CACNA1B: variants seen among roughly 807,000 people sequenced by gnomAD.
The protein encoded by CACNA1B is voltage-dependent N-type calcium channel subunit alpha-1B.
Under a neutral mutation model 247.2 loss-of-function variants are expected in CACNA1B, and 70 were observed. That is an observed-to-expected ratio of 0.28 (90% CI 0.23 to 0.35). CACNA1B has a LOEUF of 0.35. Ranked by LOEUF, CACNA1B falls within the 10% of genes least tolerant of loss-of-function variation. The pLI is 1.00. For missense variants in CACNA1B, 2,367 were observed against 3,197.4 expected, an observed-to-expected ratio of 0.74 and a Z score of 6.26; for synonymous variants, 1,231 against 1,294.4, an observed-to-expected ratio of 0.95 and a Z score of 1.05.
chr9:138,113,505 G>A (rs1463076145), intron 40 of CACNA1B, among the ~76,000 whole-genome samples: 1 of 150,824 alleles, frequency 6.6e-6, no homozygotes, highest in South Asian at 2.1e-4. Context: ...GAGACGTGAG[G>A]GAGCGCAGGA....
intron 36 of CACNA1B, among the ~76,000 whole-genome samples, chr9:138,093,826 A>G (rs1474225596): frequency 6.6e-6 from 1 of 152,208 alleles, no homozygotes; most frequent in African/African-American, 2.4e-5. Context: ...ACTGGTGGGT[A>G]TGACTGTAAA....
intron 20 of CACNA1B, among the ~76,000 whole-genome samples, chr9:138,031,332 TC>T (rs1453896913): frequency 6.6e-6 from 1 of 152,224 alleles, no homozygotes; most frequent in East Asian, 1.9e-4. Flanking sequence ...TGCCTATTTC[TC>T]TGTTATTAAC....
chr9:137,992,610 AT>A lies in CACNA1B; in HGVS notation c.1974+5758del, dbSNP rs559215342. On this transcript the variant is annotated intron_variant, in intron 15 of 46. Transcript: ENST00000371372. ...TGGACTTAACAGGTATTTACAGAGC[AT>A]TCTACCCAACAACTGCAGAATATAC... 4.4e-3 allele frequency among the ~76,000 whole-genome samples: 672 copies of A among 152,328 alleles called. 5 individuals are homozygous for A. The highest frequency in any genetic ancestry group is 0.015 in the African/African-American group (630 of 41,584).
rs1264298789 is a variant in CACNA1B, at chr9:137,974,682, T to G, written c.1544-1225T>G. The stretch of plus-strand genomic sequence containing the variant: ...TGGCCCCCTCTTCCAGTGTCTGCTT[T>G]ATCAGAAGTTGTGTCTGCTGAAGGT... On this transcript the variant is annotated intron_variant, in intron 11 of 46. Transcript: ENST00000371372. The surrounding 1 kb of genome is among the most constrained non-coding windows in gnomAD (Gnocchi z 4.5). 6.6e-6 allele frequency among the ~76,000 whole-genome samples: 1 copy of G among 152,118 alleles called. No individual in the cohort carries two copies. The highest frequency in any genetic ancestry group is 1.5e-5 in the Non-Finnish European group (1 of 68,014).
At chr9:138,024,707 C>A (rs1399910911) in intron 19 of CACNA1B, among the ~76,000 whole-genome samples, 1 of 152,172 alleles carries the variant, frequency 6.6e-6, no homozygotes, top group African/African-American at 2.4e-5. Flanking sequence ...TGGCTCACTG[C>A]AGCCTCAACT....
At chr9:138,034,838 A>C (rs1959024705) in intron 20 of CACNA1B, among the ~76,000 whole-genome samples, 1 of 152,092 alleles carries the variant, frequency 6.6e-6, no homozygotes, top group African/African-American at 2.4e-5. Flanking sequence ...CTGTTATCTG[A>C]GGTCCACTGT....
intron 31 of CACNA1B, among the ~76,000 whole-genome samples, chr9:138,060,501 C>G (rs1959683809): frequency 6.6e-6 from 1 of 152,196 alleles, no homozygotes; most frequent in Non-Finnish European, 1.5e-5. Flanking sequence ...TCCCAAGGGA[C>G]TTCTGGCAGC....
At chr9:137,909,700 A>G (rs1200278089) in intron 3 of CACNA1B, among the ~76,000 whole-genome samples, 2 of 152,206 alleles carry the variant, frequency 1.3e-5, no homozygotes, top group African/African-American at 2.4e-5. Flanking sequence ...CCTGCTTTCA[A>G]TTCTTTTGGA....
At chr9:138,075,776 G>C in intron 34 of CACNA1B, 43 bp from the exon 35 acceptor site, 1 of 1,365,216 alleles carries the variant, frequency 7.3e-7, no homozygotes, top group Non-Finnish European at 1.0e-6. Context: ...CGCGGCTCCT[G>C]CAGACCCAGC....
chr9:138,000,337 A>G (rs1373456380), intron 15 of CACNA1B, among the ~76,000 whole-genome samples: 1 of 152,104 alleles, frequency 6.6e-6, no homozygotes, highest in Non-Finnish European at 1.5e-5. Context: ...TGACCTCGTG[A>G]TCAGCCCGCC....
intron 15 of CACNA1B, among the ~76,000 whole-genome samples, chr9:137,989,451 C>T (rs1314552833): frequency 6.6e-6 from 1 of 152,112 alleles, no homozygotes; most frequent in African/African-American, 2.4e-5. Flanking sequence ...AGTGCCCCTT[C>T]CGAGTGAGTC....
chr9:138,075,967 C>T, intron 35 of CACNA1B, 57 bp downstream of exon 35: 1 of 1,173,752 alleles, frequency 8.5e-7, no homozygotes, highest in Non-Finnish European at 1.3e-6. Context: ...GGCTGCTTTA[C>T]TCAGGATGAA....
At chr9:137,890,135 G>A (rs1372138015) in intron 3 of CACNA1B, 1 of 149,842 alleles carries the variant, frequency 6.7e-6, no homozygotes, top group Non-Finnish European at 1.5e-5. Flanking sequence ...CAAATCCAGA[G>A]ACTCCCTGGA....
rs898884100 is a variant in CACNA1B, at chr9:137,971,093, C to T, written c.1334-290C>T. On this transcript the variant is annotated intron_variant, in intron 10 of 46. Coordinates refer to ENST00000371372, the MANE Select transcript of CACNA1B (RefSeq NM_000718.4). This position sits in a 1 kb window ranked among gnomAD's most constrained non-coding sequence, Gnocchi z 4.4. ...CTCATGGAGAGTGGCCTGGGGGCAT[C>T]AGGGCTGTGCTCCTAGAAGGTGGCT... Among the ~76,000 whole-genome samples, 1 of 152,034 alleles carries T rather than the reference C, an allele frequency of 6.6e-6. No individual in the cohort carries two copies. The highest frequency in any genetic ancestry group is 1.5e-5 in the Non-Finnish European group (1 of 67,990).
At position 138,120,694 on chromosome 9, in the gene CACNA1B, A is replaced by C. The variant is rs753374023; in HGVS notation, c.6302A>C (p.Glu2101Ala). The change falls in exon 46 of 47, where the codon GAA becomes GCA. Residue 2101 changes from glutamate (E) to alanine (A), a missense_variant. Glu to Ala is a moderately radical substitution (Grantham distance 107). Around this residue, in one of 12 missense-constraint regions of CACNA1B, gnomAD observed 773 missense variants for 779.4 expected, o/e 0.99. Transcript: ENST00000371372. ...GAGGGGCCTACAGGCTGCCGGCGGG[A>C]ACGAGAGCGCCGGCAGGAGCGGGGC... ...PGEGPTGCRR[E>A]RERRQERGRS... 5 of 1,517,418 alleles carry C rather than the reference A, an allele frequency of 3.3e-6. No individual in the cohort carries two copies. The highest frequency in any genetic ancestry group is 2.6e-6 in the Non-Finnish European group (3 of 1,137,730). 94.0% of individuals were successfully genotyped at this position (1,517,418 alleles called of 1,614,324 possible). A position where few individuals can be genotyped will look rare whatever the true frequency, so the allele number is the denominator to read the frequency against.
intron 36 of CACNA1B, among the ~76,000 whole-genome samples, chr9:138,094,032 A>G (rs1326720568): frequency 6.6e-6 from 1 of 152,240 alleles, no homozygotes; most frequent in East Asian, 1.9e-4. Context: ...AGTTTCCATC[A>G]ACAGATGAAT....
intron 12 of CACNA1B, among the ~76,000 whole-genome samples, chr9:137,981,947 G>A (rs531984041): frequency 3.7e-4 from 57 of 152,260 alleles, no homozygotes; most frequent in East Asian, 1.5e-3. Flanking sequence ...TGTTAAGTGC[G>A]CTTTAGCCCT....
At chr9:137,929,740 T>C (rs1211688627) in intron 6 of CACNA1B, among the ~76,000 whole-genome samples, 2 of 152,168 alleles carry the variant, frequency 1.3e-5, no homozygotes, top group Admixed American at 1.3e-4. Flanking sequence ...GTAGCCTCAA[T>C]TTCCTGGGCT....
chr9:137,878,854 C>T (rs1353707100), intron 1 of CACNA1B, among the ~76,000 whole-genome samples, 200 bp from the exon 2 acceptor site: 5 of 152,152 alleles, frequency 3.3e-5, no homozygotes, highest in Non-Finnish European at 7.4e-5. Flanking sequence ...CTGCGGAGGC[C>T]CCGCCTCGCG....
Sources: allele counts gnomAD v4.1 joint callset (sites outside exome capture counted in the v4.1 genomes callset), GRCh38; gene constraint gnomAD v4.1.1; regional missense constraint gnomAD v4.1.1; non-coding constraint Gnocchi (gnomAD v3.1); transcripts MANE v1.5; gene names NCBI Gene and HGNC (gene_info 2026-07-23, HGNC 2026-07-21).